Variants in RGS6 observed in about 807,000 individuals in gnomAD.
The protein encoded by RGS6 is regulator of G protein signaling 6.
A neutral mutation model predicts 78.5 loss-of-function variants in RGS6; 30 were observed. That is an observed-to-expected ratio of 0.38 (90% CI 0.29 to 0.52). The LOEUF (loss-of-function observed/expected upper bound fraction) is 0.52, where lower values mean the gene tolerates loss of function less well. Among genes scored for constraint, RGS6 ranks in the 20% least tolerant of loss-of-function variants. The probability of loss-of-function intolerance (pLI) is 0.85; values close to 1 mark genes in which losing one functional copy is unlikely to be tolerated. For missense variants in RGS6, 495 were observed against 609.7 expected (o/e 0.81, Z 1.98); for synonymous variants, 206 against 206.0 (o/e 1.00, Z 0.00).
intron 2 of RGS6, among the ~76,000 whole-genome samples, chr14:72,091,788 C>T (rs555416199): frequency 1.3e-5 from 2 of 152,214 alleles, no homozygotes; most frequent in African/African-American, 2.4e-5. Flanking sequence ...TTCATGGGAA[C>T]CAAATCACAT....
intron 2 of RGS6, among the ~76,000 whole-genome samples, chr14:72,099,184 T>C (rs1030683888): frequency 6.6e-6 from 1 of 152,148 alleles, no homozygotes; most frequent in African/African-American, 2.4e-5. Context: ...TTTTTTGAAA[T>C]GGAGTCTCTC....
chr14:72,580,148 T>C, the RGS6 span, among the ~76,000 whole-genome samples: 1 of 152,206 alleles, frequency 6.6e-6, no homozygotes, highest in Non-Finnish European at 1.5e-5. Context: ...GAGGCACTAA[T>C]TAATGGAGGG....
At chr14:72,126,751 G>T (rs1349928009) in intron 2 of RGS6, among the ~76,000 whole-genome samples, 1 of 152,194 alleles carries the variant, frequency 6.6e-6, no homozygotes, top group Non-Finnish European at 1.5e-5. Context: ...TGTTTTAACT[G>T]GGAGGACATT....
intron 2 of RGS6, among the ~76,000 whole-genome samples, chr14:72,132,318 C>T (rs2096340837): frequency 6.6e-6 from 1 of 150,738 alleles, no homozygotes; most frequent in African/African-American, 2.4e-5. Context: ...ACTCTGTTGC[C>T]CAGGCTGGAG....
intron 2 of RGS6, among the ~76,000 whole-genome samples, chr14:72,162,431 T>G (rs1453552160): frequency 2.0e-5 from 3 of 150,790 alleles, no homozygotes; most frequent in Non-Finnish European, 4.4e-5. Flanking sequence ...TTCTGGGGAG[T>G]AGAAAGAAGT....
rs372615150 is a variant in RGS6, at chr14:72,407,014, T to G, written c.185-47514T>G. On this transcript the variant is annotated intron_variant, in intron 3 of 17. Transcript: ENST00000553525. ...CCGGTGAGAATAACCAAAGCCACAT[T>G]GGGTAATGAAAACTGTATGTACAAT... Among the ~76,000 whole-genome samples the G allele has an allele frequency of 2.6e-5, 4 of 152,356 alleles. No homozygotes were observed. In the East Asian group the frequency reaches 7.7e-4, roughly 29 times the overall value.
At chr14:72,136,729 C>G (rs1008462758) in intron 2 of RGS6, among the ~76,000 whole-genome samples, 10 of 152,192 alleles carry the variant, frequency 6.6e-5, no homozygotes, top group Non-Finnish European at 1.3e-4. Flanking sequence ...AAAACTTAAT[C>G]AAAAATAATT....
chr14:72,609,383 A>G, the RGS6 span, among the ~76,000 whole-genome samples: 1 of 152,186 alleles, frequency 6.6e-6, no homozygotes. Flanking sequence ...TCAGGAGTCC[A>G]CATCAGGTGT....
intron 2 of RGS6, among the ~76,000 whole-genome samples, chr14:72,323,676 C>T (rs758866618): frequency 2.0e-5 from 3 of 151,116 alleles, no homozygotes; most frequent in African/African-American, 2.4e-5. Flanking sequence ...GTAGTGGGCA[C>T]CTGTAATCCC....
chr14:72,529,414 C>T (rs2097155369), intron 15 of RGS6, among the ~76,000 whole-genome samples: 2 of 152,180 alleles, frequency 1.3e-5, no homozygotes, highest in Admixed American at 1.3e-4. Flanking sequence ...GGGACTCATG[C>T]TCCAGTAGGT....
intron 6 of RGS6, among the ~76,000 whole-genome samples, chr14:72,462,620 A>G (rs190510894): frequency 3.9e-5 from 6 of 152,352 alleles, no homozygotes; most frequent in Admixed American, 1.3e-4. Context: ...TCCAGCACCT[A>G]AAACGGTACT....
At chr14:72,375,412 G>A (rs1370891226) in intron 3 of RGS6, among the ~76,000 whole-genome samples, 2 of 152,188 alleles carry the variant, frequency 1.3e-5, no homozygotes, top group African/African-American at 4.8e-5. Context: ...GACTTCACCT[G>A]TGTTCCAAGC....
chr14:72,001,790 C>G (rs1457478413), intron 2 of RGS6, among the ~76,000 whole-genome samples: 1 of 151,308 alleles, frequency 6.6e-6, no homozygotes, highest in African/African-American at 2.4e-5. Context: ...CTAAAGGGCC[C>G]TAAGTTACGT....
rs140613964 is a variant in RGS6, at chr14:71,971,255, A to G, written c.84+6380A>G. Among the ~76,000 whole-genome samples, 91 of 152,184 alleles carry G rather than the reference A, an allele frequency of 6.0e-4. 1 individual carries two copies. The East Asian group carries it at 0.014, about 23-fold the overall frequency. ...GGACTACATTTACAGGGCTCCTGTG[A>G]CCTCTGGGTTTCAGTTGGGTTTGGT... On this transcript the variant is annotated intron_variant, in intron 2 of 17. Coordinates refer to ENST00000553525, the MANE Select transcript of RGS6 (RefSeq NM_001204424.2).
chr14:72,519,970 A>T (rs563635031), intron 15 of RGS6, among the ~76,000 whole-genome samples: 1 of 152,334 alleles, frequency 6.6e-6, no homozygotes, highest in Admixed American at 6.5e-5. Context: ...AACTTTTAAC[A>T]CTTGGAAAAG....
At chr14:72,019,011 A>G (rs921092122) in intron 2 of RGS6, among the ~76,000 whole-genome samples, 5 of 152,172 alleles carry the variant, frequency 3.3e-5, no homozygotes, top group African/African-American at 4.8e-5. Context: ...TGAAATTTCA[A>G]TATTGAAAAG....
chr14:72,489,164 A>T (rs4346150), intron 12 of RGS6, among the ~76,000 whole-genome samples: 57 of 146,508 alleles, frequency 3.9e-4, no homozygotes, highest in African/African-American at 1.2e-3. Context: ...GGGCCCCCCC[A>T]CCGGCTGTTT....
intron 3 of RGS6, among the ~76,000 whole-genome samples, chr14:72,375,643 GAC>G (rs1182412013): frequency 6.6e-6 from 1 of 152,192 alleles, no homozygotes; most frequent in Non-Finnish European, 1.5e-5. Flanking sequence ...ACTGTGTGCA[GAC>G]ATATGCCTCC....
At chr14:72,345,283 C>A (rs1286624345) in intron 2 of RGS6, among the ~76,000 whole-genome samples, 5 of 152,298 alleles carry the variant, frequency 3.3e-5, no homozygotes, top group African/African-American at 9.6e-5. Flanking sequence ...GTCAGCACCA[C>A]ACACATATGG....
Sources: gnomAD v4.1 joint callset for allele counts (sites outside exome capture counted in the v4.1 genomes callset) on GRCh38, gnomAD v4.1.1 for gene constraint, MANE v1.5 for transcripts, NCBI Gene and HGNC (gene_info 2026-07-23, HGNC 2026-07-21) for gene names.